The following FGF12 variants were observed in gnomAD, a reference collection of about 807,000 sequenced individuals.
FGF12 encodes the protein fibroblast growth factor 12.
Under a neutral mutation model 23.6 loss-of-function variants are expected in FGF12, and 14 were observed. The observed-to-expected ratio is 0.59, with a 90% CI of 0.39 to 0.93. FGF12 has a LOEUF of 0.93. FGF12 is among the 40% of genes least tolerant of loss of function. FGF12 has a pLI of 0.00. For missense variants in FGF12, 175 were observed against 217.8 expected (o/e 0.80, Z 1.24); for synonymous variants, 62 against 77.3 (o/e 0.80, Z 1.04).
At chr3:192,354,939 G>T (rs1718401061) in intron 3 of FGF12, among the ~76,000 whole-genome samples, 2 of 152,112 alleles carry the variant, frequency 1.3e-5, no homozygotes, top group Non-Finnish European at 2.9e-5. Context: ...AGAGCTCCCA[G>T]TGTCAGGTGA....
chr3:192,633,172 A>G (rs1358832198), intron 2 of FGF12, among the ~76,000 whole-genome samples: 1 of 151,872 alleles, frequency 6.6e-6, no homozygotes. Flanking sequence ...CAGCCTCCCG[A>G]GTAGCTGGGA....
At chr3:192,322,874 A>T (rs569030691) in intron 4 of FGF12, among the ~76,000 whole-genome samples, 7 of 152,320 alleles carry the variant, frequency 4.6e-5, no homozygotes, top group African/African-American at 1.7e-4. Context: ...CTTAAATCTA[A>T]GACCTCAAAG....
intron 4 of FGF12, among the ~76,000 whole-genome samples, chr3:192,321,243 G>A (rs1716518566): frequency 6.6e-6 from 1 of 151,990 alleles, no homozygotes; most frequent in South Asian, 2.1e-4. Context: ...AGCATACCAT[G>A]ATTGAACCCT....
intron 4 of FGF12, among the ~76,000 whole-genome samples, chr3:192,185,362 G>A (rs974561149): frequency 1.3e-5 from 2 of 152,174 alleles, no homozygotes; most frequent in Admixed American, 1.3e-4. Context: ...TTGTAAATGA[G>A]CTAATGAATG....
intron 2 of FGF12, among the ~76,000 whole-genome samples, chr3:192,618,912 A>G (rs954225054): frequency 3.9e-5 from 6 of 152,094 alleles, no homozygotes; most frequent in Admixed American, 3.3e-4. Context: ...GACCTGGCTT[A>G]CAGTCGGATA....
chr3:192,334,210 C>G (rs1717274336), intron 4 of FGF12, among the ~76,000 whole-genome samples: 1 of 152,066 alleles, frequency 6.6e-6, no homozygotes, highest in Non-Finnish European at 1.5e-5. Context: ...GATTAAGACA[C>G]AGGAGGCAGA....
intron 2 of FGF12, among the ~76,000 whole-genome samples, chr3:192,410,387 C>T (rs1721160007): frequency 2.0e-5 from 3 of 152,142 alleles, no homozygotes; most frequent in Admixed American, 6.5e-5. Flanking sequence ...GAGGGAACTG[C>T]AGCTTGGGTC....
chr3:192,524,607 T>C (rs960768489), intron 2 of FGF12, among the ~76,000 whole-genome samples: 1 of 152,220 alleles, frequency 6.6e-6, no homozygotes, highest in South Asian at 2.1e-4. Context: ...AAGGTGATTG[T>C]TATGCTCACA....
intron 2 of FGF12, among the ~76,000 whole-genome samples, chr3:192,655,878 T>C (rs77652212): frequency 0.031 from 4,742 of 151,706 alleles, 79 homozygotes; most frequent in Middle Eastern, 0.065. Context: ...TGGGAAGAGG[T>C]GAACACAAGC....
intron 4 of FGF12, among the ~76,000 whole-genome samples, chr3:192,190,841 A>G (rs1381895656): frequency 2.0e-5 from 3 of 152,212 alleles, no homozygotes; most frequent in Non-Finnish European, 2.9e-5. Context: ...GAAAAGAATC[A>G]GAATACAAAT....
At chr3:192,405,507 C>T (rs1720922820) in intron 2 of FGF12, among the ~76,000 whole-genome samples, 1 of 151,154 alleles carries the variant, frequency 6.6e-6, no homozygotes, top group South Asian at 2.1e-4. Context: ...AGTGGAAATT[C>T]TTTATCAGGA....
intron 2 of FGF12, among the ~76,000 whole-genome samples, chr3:192,565,487 C>A (rs559074954): frequency 6.6e-6 from 1 of 152,312 alleles, no homozygotes; most frequent in African/African-American, 2.4e-5. Context: ...GATTATAATA[C>A]CATATTTTTA....
intron 2 of FGF12, among the ~76,000 whole-genome samples, chr3:192,371,964 G>C (rs1719253000): frequency 6.6e-6 from 1 of 152,092 alleles, no homozygotes; most frequent in Non-Finnish European, 1.5e-5. Context: ...ATAAAGCCAG[G>C]GGCCAGGAAT....
chr3:192,282,978 G>A (rs988827600), intron 4 of FGF12: 1 of 152,056 alleles, frequency 6.6e-6, no homozygotes, highest in Non-Finnish European at 1.5e-5. Flanking sequence ...TGTTGAAAAA[G>A]GGATGACCAT....
At chr3:192,646,005 A>G (rs1307827880) in intron 2 of FGF12, among the ~76,000 whole-genome samples, 1 of 152,088 alleles carries the variant, frequency 6.6e-6, no homozygotes, top group East Asian at 1.9e-4. Flanking sequence ...AACTGAAACG[A>G]AAGCCTGATA....
intron 2 of FGF12, among the ~76,000 whole-genome samples, chr3:192,571,517 C>G (rs1219989547): frequency 6.6e-6 from 1 of 152,238 alleles, no homozygotes; most frequent in African/African-American, 2.4e-5. Context: ...ACGGGACCCA[C>G]TGCCCGGGTC....
intron 2 of FGF12, among the ~76,000 whole-genome samples, chr3:192,433,116 T>G (rs898886456): frequency 6.6e-6 from 1 of 152,152 alleles, no homozygotes; most frequent in Non-Finnish European, 1.5e-5. Flanking sequence ...GAAAGGGCAT[T>G]GATTCATCAT....
intron 4 of FGF12, among the ~76,000 whole-genome samples, chr3:192,285,045 G>A (rs775521404): frequency 6.6e-6 from 1 of 152,024 alleles, no homozygotes; most frequent in South Asian, 2.1e-4. Flanking sequence ...TTACAGAGAC[G>A]TATAACAAGC....
chr3:192,226,960 C>T (rs1718767729), intron 4 of FGF12, among the ~76,000 whole-genome samples: 1 of 151,950 alleles, frequency 6.6e-6, no homozygotes, highest in South Asian at 2.1e-4. Context: ...AGAGGTTTCT[C>T]AAAGGAGCTT....
Sources: gnomAD v4.1 joint callset for allele counts (sites outside exome capture counted in the v4.1 genomes callset) on GRCh38, gnomAD v4.1.1 for gene constraint, MANE v1.5 for transcripts, NCBI Gene and HGNC (gene_info 2026-07-23, HGNC 2026-07-21) for gene names.